Variants in PIAS1 observed in about 807,000 individuals in gnomAD.
PIAS1 encodes the protein protein inhibitor of activated STAT 1.
A neutral mutation model predicts 71.3 loss-of-function variants in PIAS1; 6 were observed. That is an observed-to-expected ratio of 0.08 (90% CI 0.05 to 0.17). PIAS1 has a LOEUF of 0.17. PIAS1 is among the 10% of genes least tolerant of loss of function. The pLI, the probability that PIAS1 is intolerant of heterozygous loss-of-function variation, is 1.00. For synonymous variants in PIAS1, 303 were observed against 292.9 expected (o/e 1.03, Z -0.35); for missense variants, 555 against 793.6 (o/e 0.70, Z 3.61).
chr15:68,183,787 C>T, intron 13 of PIAS1, 120 bp downstream of exon 13: 1 of 546,948 alleles, frequency 1.8e-6, no homozygotes, highest in Non-Finnish European at 3.4e-6. Flanking sequence ...TATAATGGAG[C>T]TGAAAAATCC....
chr15:68,099,065 TAAC>T (rs2092401704), intron 2 of PIAS1, among the ~76,000 whole-genome samples: 1 of 152,108 alleles, frequency 6.6e-6, no homozygotes. Flanking sequence ...CATTCCAAAT[TAAC>T]AGCGAAAATT....
chr15:68,059,310 C>T (rs576325876), intron 1 of PIAS1, among the ~76,000 whole-genome samples: 22 of 152,112 alleles, frequency 1.4e-4, no homozygotes, highest in African/African-American at 5.1e-4. Context: ...GCGCCAGGCC[C>T]AGATTATTCT....
chr15:68,149,979 A>G (rs955036841), intron 6 of PIAS1, among the ~76,000 whole-genome samples: 2 of 152,188 alleles, frequency 1.3e-5, no homozygotes, highest in South Asian at 2.1e-4. Flanking sequence ...AGAATATTAT[A>G]TCAATGATGT....
intron 2 of PIAS1, among the ~76,000 whole-genome samples, chr15:68,136,990 A>G (rs1210361141): frequency 6.6e-6 from 1 of 152,238 alleles, no homozygotes; most frequent in Non-Finnish European, 1.5e-5. Flanking sequence ...AAACTTCTCA[A>G]GAGTTACCAG....
At chr15:68,073,348 A>C (rs2092122876) in intron 1 of PIAS1, among the ~76,000 whole-genome samples, 1 of 152,146 alleles carries the variant, frequency 6.6e-6, no homozygotes, top group African/African-American at 2.4e-5. Context: ...ATATATTTGC[A>C]TTACCAATAT....
chr15:68,161,305 T>C (rs1308863258), intron 7 of PIAS1, among the ~76,000 whole-genome samples: 1 of 152,196 alleles, frequency 6.6e-6, no homozygotes, highest in Non-Finnish European at 1.5e-5. Context: ...AAAGAAGACC[T>C]GCATAAACGG....
chr15:68,127,404 T>TC (rs1238488402), intron 2 of PIAS1, among the ~76,000 whole-genome samples: 3 of 152,190 alleles, frequency 2.0e-5, no homozygotes, highest in African/African-American at 7.2e-5. Context: ...TTCAAGAAAT[T>TC]CCCCTTGCTT....
chr15:68,106,316 A>G (rs1239084857), intron 2 of PIAS1, among the ~76,000 whole-genome samples: 1 of 145,862 alleles, frequency 6.9e-6, no homozygotes, highest in Non-Finnish European at 1.5e-5. Context: ...ATGGTTAAAC[A>G]CCTGTCTCTG....
chr15:68,124,824 C>G (rs2092638782), intron 2 of PIAS1, among the ~76,000 whole-genome samples: 1 of 152,174 alleles, frequency 6.6e-6, no homozygotes, highest in East Asian at 1.9e-4. Context: ...CATATTCTAT[C>G]ATTTCTGTCT....
In PIAS1 at chr15:68,173,664, A is replaced by G; in HGVS notation, c.1009-68A>G. On this transcript the variant is annotated intron_variant, in intron 8 of 13. Transcript: ENST00000249636. The surrounding 1 kb of genome is among the most constrained non-coding windows in gnomAD (Gnocchi z 4.3). ...GCATGCCTACCTGTTGTGTTCTAGG[A>G]AATTTTTGTCAAAGCTTAAATGTTG... 1.7e-6 allele frequency: 2 copies of G among 1,202,878 alleles called. No individual in the cohort carries two copies. The highest frequency in any genetic ancestry group is 2.5e-5 in the East Asian group (1 of 39,308). The allele number at this position is 1,202,878 out of a possible 1,614,324, so 74.5% of individuals were successfully genotyped here.
intron 4 of PIAS1, 59 bp from the exon 5 acceptor site, chr15:68,145,757 A>G (rs913428351): frequency 3.7e-5 from 35 of 944,584 alleles, no homozygotes; most frequent in Admixed American, 1.5e-4. Context: ...CTATTTAACA[A>G]TAATACTAAT....
chr15:68,168,133 T>G (rs1204148015), intron 8 of PIAS1, among the ~76,000 whole-genome samples: 1 of 151,974 alleles, frequency 6.6e-6, no homozygotes, highest in Non-Finnish European at 1.5e-5. Flanking sequence ...CTCAACCTCC[T>G]GAGTAGCTGG....
At position 68,145,597 on chromosome 15, in the gene PIAS1, A is replaced by G. The variant is rs142252376; in HGVS notation, c.603-219A>G. ...AATTGGCAGTATCACGAAGACAACTACAGGGTGATAGTCATGATTACCACA... is the reference window on the plus strand; with the variant it reads ...AATTGGCAGTATCACGAAGACAACTGCAGGGTGATAGTCATGATTACCACA... On this transcript the variant is annotated intron_variant, in intron 4 of 13. Coordinates refer to ENST00000249636, the MANE Select transcript of PIAS1 (RefSeq NM_016166.3). 6.8e-3 allele frequency among the ~76,000 whole-genome samples: 1,039 copies of G among 152,312 alleles called. 42 individuals are homozygous for G. Among genetic ancestry groups the G allele is most frequent in the Admixed American group, 0.063 (969 of 15,298 alleles).
chr15:68,055,042 T>C (rs2091881077), intron 1 of PIAS1: 1 of 180,824 alleles, frequency 5.5e-6, no homozygotes, highest in Non-Finnish European at 1.1e-5. Flanking sequence ...AGCGGGACGT[T>C]ACTCTTTCTC....
intron 1 of PIAS1, among the ~76,000 whole-genome samples, chr15:68,075,282 C>T (rs763353206): frequency 1.3e-4 from 19 of 151,708 alleles, no homozygotes; most frequent in Non-Finnish European, 2.6e-4. Context: ...GATGGAGTTT[C>T]ACCATGCTGG....
chr15:68,095,073 A>T (rs1488429096), intron 2 of PIAS1, among the ~76,000 whole-genome samples: 2 of 152,192 alleles, frequency 1.3e-5, no homozygotes, highest in African/African-American at 4.8e-5. Flanking sequence ...AATCTTAACC[A>T]TTAGAATCAG....
intron 1 of PIAS1, among the ~76,000 whole-genome samples, chr15:68,059,903 C>A (rs1395530058): frequency 6.6e-6 from 1 of 152,018 alleles, no homozygotes. Flanking sequence ...GTGTGAGGTA[C>A]TGTGCCACTG....
chr15:68,106,773 G>A (rs1024513688), intron 2 of PIAS1, among the ~76,000 whole-genome samples: 1 of 152,146 alleles, frequency 6.6e-6, no homozygotes, highest in African/African-American at 2.4e-5. Flanking sequence ...AGGCTCTAAC[G>A]TCAGTGTATT....
intron 1 of PIAS1, chr15:68,055,718 A>C: frequency 2.1e-6 from 1 of 481,558 alleles, no homozygotes; most frequent in East Asian, 3.1e-5. Flanking sequence ...ACAATTGTAA[A>C]TCTTTGGGGA....
Sources: gnomAD v4.1 joint callset for allele counts (sites outside exome capture counted in the v4.1 genomes callset) on GRCh38, gnomAD v4.1.1 for gene constraint, Gnocchi (gnomAD v3.1) non-coding constraint, MANE v1.5 for transcripts, NCBI Gene and HGNC (gene_info 2026-07-23, HGNC 2026-07-21) for gene names.